SENP7: variants seen among roughly 807,000 people sequenced by gnomAD.
SENP7 encodes the protein SUMO specific peptidase 7.
A neutral mutation model predicts 141.2 loss-of-function variants in SENP7; 64 were observed. The ratio of observed to expected loss-of-function variants is 0.45; its 90% CI spans 0.37 to 0.56. The LOEUF (loss-of-function observed/expected upper bound fraction) is 0.56, where lower values mean the gene tolerates loss of function less well. Among genes scored for constraint, SENP7 ranks in the 20% least tolerant of loss-of-function variants. The pLI is 0.00. For missense variants in SENP7, 1,025 were observed against 1,212.2 expected, an observed-to-expected ratio of 0.85 and a Z score of 2.29; for synonymous variants, 382 against 426.4, an observed-to-expected ratio of 0.90 and a Z score of 1.28.
intron 4 of SENP7, among the ~76,000 whole-genome samples, chr3:101,446,032 T>C (rs970339997): frequency 1.3e-5 from 2 of 152,166 alleles, no homozygotes; most frequent in Non-Finnish European, 2.9e-5. Context: ...AGAGGGGCCT[T>C]ATGGGAGGTG....
chr3:101,370,315 T>G (rs2060144443), intron 7 of SENP7, among the ~76,000 whole-genome samples: 1 of 152,034 alleles, frequency 6.6e-6, no homozygotes, highest in Admixed American at 6.6e-5. Context: ...CTGGGTAGAG[T>G]AGGAATCTTT....
chr3:101,329,409 G>T (rs570374690), intron 20 of SENP7, among the ~76,000 whole-genome samples: 1 of 152,118 alleles, frequency 6.6e-6, no homozygotes, highest in East Asian at 1.9e-4. Context: ...GCCTTCCTCC[G>T]TAAGAAGTGA....
intron 6 of SENP7, among the ~76,000 whole-genome samples, chr3:101,376,681 GT>G (rs1468758196): frequency 6.6e-6 from 1 of 152,010 alleles, no homozygotes; most frequent in African/African-American, 2.4e-5. Context: ...TACACCTAAT[GT>G]TAAATGACGA....
chr3:101,471,389 CA>C, intron 3 of SENP7, among the ~76,000 whole-genome samples: 1 of 152,236 alleles, frequency 6.6e-6, no homozygotes, highest in South Asian at 2.1e-4. Flanking sequence ...ATGACAAAAA[CA>C]AGAAATGGGG....
At chr3:101,464,327 T>TTA (rs1388283152) in intron 3 of SENP7, among the ~76,000 whole-genome samples, 1 of 152,116 alleles carries the variant, frequency 6.6e-6, no homozygotes, top group Non-Finnish European at 1.5e-5. Context: ...GGCCATGGAC[T>TTA]GGTATTGGTC....
chr3:101,374,407 T>C lies in SENP7; in HGVS notation c.678-2281A>G, dbSNP rs554978269. ...ACATTAGATTTGGCAGTGATTTCTT[T>C]GATATAACAACAAAAACACAGTCAA... On this transcript the variant is annotated intron_variant, in intron 6 of 23. Coordinates refer to ENST00000394095, the MANE Select transcript of SENP7 (RefSeq NM_020654.5). 1.3e-4 allele frequency among the ~76,000 whole-genome samples: 20 copies of C among 152,272 alleles called. No homozygotes were observed. In the South Asian group the frequency reaches 3.9e-3, roughly 30 times the overall value.
intron 3 of SENP7, among the ~76,000 whole-genome samples, chr3:101,463,547 G>A (rs2063662003): frequency 6.6e-6 from 1 of 151,248 alleles, no homozygotes. Flanking sequence ...CAGACTTCAT[G>A]GAGAAGCTAT....
intron 3 of SENP7, among the ~76,000 whole-genome samples, chr3:101,482,595 G>A (rs2108042704): frequency 6.6e-6 from 1 of 152,144 alleles, no homozygotes; most frequent in East Asian, 1.9e-4. Context: ...AAACGACTAG[G>A]CATAAAAAAC....
chr3:101,472,879 A>C (rs2064060939), intron 3 of SENP7, among the ~76,000 whole-genome samples: 1 of 152,174 alleles, frequency 6.6e-6, no homozygotes, highest in African/African-American at 2.4e-5. Context: ...AGTACTCATT[A>C]GCTATTTTAC....
rs143801353 is a variant in SENP7 at position 101,495,480 on chromosome 3, G to A, written c.91-1512C>T. 4.8e-3 allele frequency among the ~76,000 whole-genome samples: 727 copies of A among 152,248 alleles called. 5 individuals carry two copies. Among genetic ancestry groups the A allele is most frequent in the African/African-American group, 0.017 (689 of 41,556 alleles). On this transcript the variant is annotated intron_variant, in intron 2 of 23. Transcript: ENST00000394095. The stretch of plus-strand genomic sequence containing the variant: ...GTTTGCTGCAACACTATTCACAATA[G>A]CAAAGACATGGAATCAACCCAAATC...
chr3:101,478,586 T>C (rs967854562), intron 3 of SENP7, among the ~76,000 whole-genome samples: 5 of 152,156 alleles, frequency 3.3e-5, no homozygotes, highest in Non-Finnish European at 2.9e-5. Context: ...GCCCACGACC[T>C]GATGGCTTCA....
intron 11 of SENP7, 64 bp from the exon 12 acceptor site, chr3:101,351,715 T>G (rs2059619074): frequency 8.2e-7 from 1 of 1,217,742 alleles, no homozygotes; most frequent in African/African-American, 1.6e-5. Flanking sequence ...ATTCAAATTT[T>G]TTTTTTCAAA....
chr3:101,471,277 C>T (rs2063982347), intron 3 of SENP7, among the ~76,000 whole-genome samples: 1 of 152,120 alleles, frequency 6.6e-6, no homozygotes. Context: ...GTAACCAAAA[C>T]AGCATGGTAC....
At chr3:101,339,210 A>G (rs1287048862) in intron 16 of SENP7, among the ~76,000 whole-genome samples, 1 of 152,226 alleles carries the variant, frequency 6.6e-6, no homozygotes, top group Non-Finnish European at 1.5e-5. Flanking sequence ...ACTGGGATAA[A>G]GATTACTAGT....
intron 6 of SENP7, among the ~76,000 whole-genome samples, chr3:101,390,128 A>G (rs9857389): frequency 0.4 from 60,045 of 151,006 alleles, 12,429 homozygotes; most frequent in Admixed American, 0.54. Flanking sequence ...TCTGAGACAG[A>G]AGAACTGCTT....
chr3:101,366,374 A>C, intron 9 of SENP7, 56 bp downstream of exon 9: 1 of 1,306,914 alleles, frequency 7.7e-7, no homozygotes. Flanking sequence ...AGAATAAAAA[A>C]ATAACTAAGT....
At chr3:101,489,909 GCA>G (rs2064893622) in intron 3 of SENP7, among the ~76,000 whole-genome samples, 1 of 152,198 alleles carries the variant, frequency 6.6e-6, no homozygotes. Flanking sequence ...CCCAGGCCGG[GCA>G]CAGTGGTTCA....
In SENP7 at chr3:101,333,741, A is replaced by G. The variant is rs550919509; in HGVS notation, c.2481-879T>C. On this transcript the variant is annotated intron_variant, in intron 17 of 23. Transcript: ENST00000394095. ...ATTAGGTTCCTAAAAACAAATAATG[A>G]AAGTCACCTACACTGCCCTAGAAGT... Among the ~76,000 whole-genome samples the G allele has an allele frequency of 7.2e-5, 11 of 152,342 alleles. No homozygotes were observed. In the South Asian group the frequency reaches 1.9e-3, roughly 26 times the overall value.
intron 5 of SENP7, among the ~76,000 whole-genome samples, chr3:101,399,617 C>T (rs1262608139): frequency 2.0e-5 from 3 of 152,172 alleles, no homozygotes; most frequent in Non-Finnish European, 4.4e-5. Flanking sequence ...AGAGTCAATA[C>T]ATTTAAATGT....
Sources: allele counts gnomAD v4.1 joint callset (sites outside exome capture counted in the v4.1 genomes callset), GRCh38; gene constraint gnomAD v4.1.1; transcripts MANE v1.5; gene names NCBI Gene and HGNC (gene_info 2026-07-23, HGNC 2026-07-21).